OARD1: variants seen among roughly 807,000 people sequenced by gnomAD.
OARD1 encodes O-acyl-ADP-ribose deacylase 1, also known as ADP-ribose glycohydrolase OARD1.
A neutral mutation model predicts 19.7 loss-of-function variants in OARD1; 19 were observed. That is an observed-to-expected ratio of 0.96 (90% CI 0.67 to 1.41). The LOEUF is 1.41. Ranked by LOEUF, OARD1 falls within the 40% of genes most tolerant of loss-of-function variation. OARD1 has a pLI of 0.00. For missense variants in OARD1, 190 were observed against 183.8 expected, an observed-to-expected ratio of 1.03 and a Z score of -0.20; for synonymous variants, 70 against 61.8, an observed-to-expected ratio of 1.13 and a Z score of -0.62.
At chr6:41,090,368 C>A in intron 1 of OARD1, 1 of 976,542 alleles carries the variant, frequency 1.0e-6, no homozygotes, top group Non-Finnish European at 1.6e-6. Context: ...GTCCCTTAGA[C>A]AACTGACATC....
chr6:41,096,743 G>A (rs1764367044), intron 1 of OARD1, among the ~76,000 whole-genome samples: 1 of 152,226 alleles, frequency 6.6e-6, no homozygotes. Flanking sequence ...TGTTAACACG[G>A]TAGGTCTTAA....
chr6:41,097,357 G>A lies in OARD1; in HGVS notation c.-42+356C>T, dbSNP rs200458300. 2.0e-5 allele frequency: 33 copies of A among 1,613,720 alleles called. No homozygotes were observed. The highest frequency in any genetic ancestry group is 2.6e-5 in the Non-Finnish European group (31 of 1,179,864). ...ATCATCATGTCATCTTTGTCTCTAG[G>A]ATCCAAACCAAGCCGATGAAGAAGC... On this transcript the variant is annotated intron_variant, in intron 1 of 4. Transcript: ENST00000480585.
At position 41,066,288 on chromosome 6, in the gene OARD1, A is replaced by C. The variant is rs1385398122; in HGVS notation, c.*1047T>G. 1 of 151,926 alleles carries C rather than the reference A, an allele frequency of 6.6e-6. No homozygotes were observed. Among genetic ancestry groups the C allele is most frequent in the African/African-American group, 2.4e-5 (1 of 41,230 alleles). 9.4% of individuals were successfully genotyped at this position (151,926 alleles called of 1,614,324 possible). A position where few individuals can be genotyped will look rare whatever the true frequency, so the allele number is the denominator to read the frequency against. ...ACTACAGGCCTGCACCACCAGGCCC[A>C]GCTAATTTTTAATTTCTTTTTTTTT... On this transcript the variant is annotated 3_prime_UTR_variant, in exon 6 of 6. Coordinates refer to ENST00000424266, the MANE Select transcript of OARD1 (RefSeq NM_001329686.2).
intron 3 of OARD1, among the ~76,000 whole-genome samples, chr6:41,070,547 A>G (rs985156294): frequency 1.3e-5 from 2 of 152,260 alleles, no homozygotes; most frequent in Non-Finnish European, 2.9e-5. Flanking sequence ...GATATATAAA[A>G]AAGGAATTAA....
rs906393162 is a variant in OARD1, at chr6:41,064,908, CTCTT to C, written c.*2423_*2426del. 8.3e-4 allele frequency: 126 copies of C among 151,664 alleles called. No homozygotes were observed. Among genetic ancestry groups the C allele is most frequent in the African/African-American group, 2.9e-3 (119 of 41,360 alleles). The allele number at this position is 151,664 out of a possible 1,614,324, so 9.4% of individuals were successfully genotyped here. A position where few individuals can be genotyped will look rare whatever the true frequency, so the allele number is the denominator to read the frequency against. ...GTAATGGCAGGATGATGTCAAGTCT[CTCTT>C]TTTTTTTTTTTAAAGGTTTGTTTGA... On this transcript the variant is annotated 3_prime_UTR_variant, in exon 6 of 6. Coordinates refer to ENST00000424266, the MANE Select transcript of OARD1 (RefSeq NM_001329686.2).
intron 5 of OARD1, among the ~76,000 whole-genome samples, chr6:41,067,848 T>C (rs1763103594): frequency 6.6e-6 from 1 of 152,140 alleles, no homozygotes; most frequent in African/African-American, 2.4e-5. Flanking sequence ...AGGAATGAGG[T>C]ACAGGATCTG....
At chr6:41,087,326 G>C (rs1764075717) in intron 1 of OARD1, among the ~76,000 whole-genome samples, 1 of 152,198 alleles carries the variant, frequency 6.6e-6, no homozygotes, top group South Asian at 2.1e-4. Context: ...ATGTCTCTAA[G>C]ACATGGAACC....
chr6:41,072,481 C>A (rs990517083), upstream of OARD1: 2 of 152,294 alleles, frequency 1.3e-5, no homozygotes, highest in Admixed American at 1.3e-4. Flanking sequence ...GATGGCCGCC[C>A]CCGCCCGGTA....
intron 1 of OARD1, chr6:41,090,416 TTTGG>T: frequency 1.6e-6 from 1 of 615,804 alleles, no homozygotes; most frequent in Non-Finnish European, 2.9e-6. Context: ...CTACATATTT[TTTGG>T]ACAAAAAAAA....
upstream of OARD1, among the ~76,000 whole-genome samples, chr6:41,073,297 G>A (rs772124139): frequency 3.3e-5 from 5 of 151,630 alleles, no homozygotes; most frequent in South Asian, 2.1e-4. Context: ...CGCCCCGCGC[G>A]GGGATGGCGC....
At chr6:41,093,929 A>G (rs967159066) in intron 1 of OARD1, among the ~76,000 whole-genome samples, 8 of 152,242 alleles carry the variant, frequency 5.3e-5, no homozygotes, top group African/African-American at 1.9e-4. Context: ...CAGAGGCAGG[A>G]GGATCACATG....
At chr6:41,097,056 T>G (rs1181153300) in intron 1 of OARD1, among the ~76,000 whole-genome samples, 1 of 152,210 alleles carries the variant, frequency 6.6e-6, no homozygotes, top group Non-Finnish European at 1.5e-5. Context: ...CTGAATACTC[T>G]TAACCCTTAA....
intron 1 of OARD1, among the ~76,000 whole-genome samples, chr6:41,097,106 C>CT (rs2113827327): frequency 6.6e-6 from 1 of 152,312 alleles, no homozygotes; most frequent in South Asian, 2.1e-4. Context: ...AAGAGATACA[C>CT]TAACAGCCCT....
At chr6:41,091,453 A>T in intron 1 of OARD1, 1 of 1,443,396 alleles carries the variant, frequency 6.9e-7, no homozygotes, top group African/African-American at 1.4e-5. Context: ...CAGATAGAAG[A>T]GGGACTAACT....
At chr6:41,083,564 T>G (rs1406230251) in intron 1 of OARD1, among the ~76,000 whole-genome samples, 2 of 152,200 alleles carry the variant, frequency 1.3e-5, no homozygotes, top group Non-Finnish European at 2.9e-5. Context: ...CAGAGCTGCT[T>G]GCTACCCAGC....
At chr6:41,094,593 G>T (rs1380852182) in intron 1 of OARD1, 1 of 844,778 alleles carries the variant, frequency 1.2e-6, no homozygotes, top group Non-Finnish European at 1.9e-6. Context: ...TTCCTACTCT[G>T]GGACTACTCA....
upstream of OARD1, among the ~76,000 whole-genome samples, chr6:41,074,047 C>T (rs1763652113): frequency 1.3e-5 from 2 of 152,218 alleles, no homozygotes; most frequent in African/African-American, 4.8e-5. Flanking sequence ...TATTACTAAT[C>T]TTATCCACTG....
At chr6:41,088,118 G>C (rs1343399963) in intron 1 of OARD1, among the ~76,000 whole-genome samples, 1 of 152,086 alleles carries the variant, frequency 6.6e-6, no homozygotes, top group African/African-American at 2.4e-5. Flanking sequence ...GAAGTTAGCA[G>C]CTTAAAACAA....
Position 41,071,366 on chromosome 6 carries a change from C to T in OARD1, c.40-90G>A. 2.3e-6 allele frequency: 3 copies of T among 1,279,012 alleles called. No homozygotes were observed. In the South Asian group the frequency reaches 3.9e-5, roughly 17 times the overall value. 79.2% of individuals were successfully genotyped at this position (1,279,012 alleles called of 1,614,324 possible). A position where few individuals can be genotyped will look rare whatever the true frequency, so the allele number is the denominator to read the frequency against. ...CTGTATTTTGTGTCCCCCACGACTACCTCTCCCGGCACCCCTTCCTCCAAT... is the reference window on the plus strand; with the variant it reads ...CTGTATTTTGTGTCCCCCACGACTATCTCTCCCGGCACCCCTTCCTCCAAT... On this transcript the variant is annotated intron_variant, in intron 2 of 5. Coordinates refer to ENST00000424266, the MANE Select transcript of OARD1 (RefSeq NM_001329686.2).
Sources: allele counts gnomAD v4.1 joint callset (sites outside exome capture counted in the v4.1 genomes callset), GRCh38; gene constraint gnomAD v4.1.1; transcripts MANE v1.5; gene names NCBI Gene and HGNC (gene_info 2026-07-23, HGNC 2026-07-21).